The following DOCK6 variants were observed in gnomAD, a reference collection of about 807,000 sequenced individuals.
The protein encoded by DOCK6 is dedicator of cytokinesis protein 6.
In DOCK6, 167 loss-of-function variants were observed where a neutral mutation model predicts 230.3. The observed-to-expected ratio is 0.73, with a 90% CI of 0.64 to 0.82. DOCK6 has a LOEUF of 0.82. Among genes scored for constraint, DOCK6 ranks in the 40% least tolerant of loss-of-function variants. DOCK6 has a pLI of 0.00. For missense variants in DOCK6, 2,598 were observed against 2,825.8 expected (o/e 0.92, Z 1.83); for synonymous variants, 1,148 against 1,185.0 (o/e 0.97, Z 0.64).
In DOCK6 at chr19:11,248,157, A is replaced by C. The variant is rs1249977674; in HGVS notation, c.721-6T>G. On this transcript the variant is annotated splice_polypyrimidine_tract_variant and splice_region_variant and intron_variant, in intron 6 of 47. Coordinates refer to ENST00000294618, the MANE Select transcript of DOCK6 (RefSeq NM_020812.4). Reference sequence around the variant, plus strand: ...CAGCGTTCCACGGCTTCATCCTGCCAAGAGTGGGGGGTGGGAGCTGGGCGG... The same window carrying C: ...CAGCGTTCCACGGCTTCATCCTGCCCAGAGTGGGGGGTGGGAGCTGGGCGG... 1.3e-6 allele frequency: 2 copies of C among 1,599,338 alleles called. No homozygotes were observed. Among genetic ancestry groups the C allele is most frequent in the Admixed American group, 1.7e-5 (1 of 59,062 alleles).
intron 39 of DOCK6, among the ~76,000 whole-genome samples, chr19:11,204,915 C>T (rs892567319): frequency 1.3e-5 from 2 of 152,186 alleles, no homozygotes; most frequent in African/African-American, 4.8e-5. Context: ...CATCTGTCTT[C>T]CCTCATTGAT....
intron 1 of DOCK6, among the ~76,000 whole-genome samples, chr19:11,261,523 C>G (rs2080288153): frequency 6.6e-6 from 1 of 152,212 alleles, no homozygotes; most frequent in Non-Finnish European, 1.5e-5. Context: ...GCAGTCAGGA[C>G]AGGTCCCCCG....
rs189519555 is a variant in DOCK6 at position 11,259,015 on chromosome 19, C to A, written c.44+3382G>T. 2.0e-5 allele frequency among the ~76,000 whole-genome samples: 3 copies of A among 152,072 alleles called. No individual in the cohort carries two copies. The South Asian group carries it at 6.2e-4, about 32-fold the overall frequency. ...CCACCTGCCTCAGCCTCCCAAAGTG[C>A]TCGGATTATAGGCATGAGCCACCAT... On this transcript the variant is annotated intron_variant, in intron 1 of 47. Transcript: ENST00000294618.
At chr19:11,224,273 C>T (rs1479468078) in intron 24 of DOCK6, among the ~76,000 whole-genome samples, 4 of 149,510 alleles carry the variant, frequency 2.7e-5, no homozygotes, top group East Asian at 2.0e-4. Flanking sequence ...TGCAATGGCG[C>T]GATCTCGGCT....
At chr19:11,233,061 C>T in intron 22 of DOCK6, 142 bp downstream of exon 22, 1 of 1,194,762 alleles carries the variant, frequency 8.4e-7, no homozygotes, top group Non-Finnish European at 1.2e-6. Context: ...GACAGCCCAG[C>T]CCAACTCTGC....
chr19:11,217,942 C>T (rs1237409106), intron 28 of DOCK6, among the ~76,000 whole-genome samples: 1 of 151,810 alleles, frequency 6.6e-6, no homozygotes. Flanking sequence ...ACCTCCGCCC[C>T]CCAGGTTCAA....
chr19:11,250,524 G>A (rs2080100911), intron 6 of DOCK6, among the ~76,000 whole-genome samples: 1 of 151,666 alleles, frequency 6.6e-6, no homozygotes, highest in Non-Finnish European at 1.5e-5. Flanking sequence ...CATGTTGGCT[G>A]GTCTTGAACT....
intron 39 of DOCK6, among the ~76,000 whole-genome samples, chr19:11,206,595 A>C (rs1283292922): frequency 6.6e-6 from 1 of 151,912 alleles, no homozygotes; most frequent in African/African-American, 2.4e-5. Context: ...AAAGAGACTT[A>C]GGATACAGAT....
At position 11,235,766 on chromosome 19, in the gene DOCK6, G is replaced by A; in HGVS notation, c.2393-7C>T. The A allele has an allele frequency of 6.3e-7, 1 of 1,582,104 alleles. No individual in the cohort carries two copies. Among genetic ancestry groups the A allele is most frequent in the Non-Finnish European group, 8.6e-7 (1 of 1,162,424 alleles). On this transcript the variant is annotated splice_polypyrimidine_tract_variant and splice_region_variant and intron_variant, in intron 20 of 47. Coordinates refer to ENST00000294618, the MANE Select transcript of DOCK6 (RefSeq NM_020812.4). ...GCTCCACGGCCCAGGTTCACTGCAGGGCAGAGCAGAGGTCAAGTTCCAGGG... is the reference window on the plus strand; with the variant it reads ...GCTCCACGGCCCAGGTTCACTGCAGAGCAGAGCAGAGGTCAAGTTCCAGGG...
At position 11,262,412 on chromosome 19, in the gene DOCK6, G is replaced by A. The variant is rs766015892; in HGVS notation, c.29C>T (p.Ala10Val). The change falls in exon 1 of 48, where the codon GCG becomes GTG. Residue 10 changes from alanine to valine, a missense_variant. By Grantham distance (64) the Ala-to-Val change is moderately conservative (BLOSUM62 0). Transcript: ENST00000294618. MAASERRAF[A>V]HKINRTVAAE... The stretch of plus-strand genomic sequence containing the variant: ...GCCACACTACCTGTTGATCTTGTGC[G>A]CGAAGGCGCGGCGCTCGGAGGCAGC... 2 of 1,273,786 alleles carry A rather than the reference G, an allele frequency of 1.6e-6. No individual in the cohort carries two copies. The highest frequency in any genetic ancestry group is 2.9e-5 in the South Asian group (1 of 34,816). The allele number at this position is 1,273,786 out of a possible 1,614,324, so 78.9% of individuals were successfully genotyped here.
intron 22 of DOCK6, chr19:11,232,101 G>T: frequency 9.4e-7 from 1 of 1,060,712 alleles, no homozygotes; most frequent in Non-Finnish European, 1.3e-6. Context: ...AGCCCCCCTA[G>T]GTTAGTCAGA....
chr19:11,208,635 C>T, intron 39 of DOCK6, 51 bp downstream of exon 39: 4 of 1,577,474 alleles, frequency 2.5e-6, no homozygotes, highest in Non-Finnish European at 2.6e-6. Flanking sequence ...GATCTGATGG[C>T]ACCTCCCTGG....
intron 21 of DOCK6, among the ~76,000 whole-genome samples, chr19:11,235,244 T>A (rs537031015): frequency 1.3e-5 from 2 of 152,292 alleles, no homozygotes; most frequent in Admixed American, 6.5e-5. Context: ...GTAGCTGGGA[T>A]TACAGGCACC....
chr19:11,211,662 A>G (rs1026159802), intron 37 of DOCK6, 114 bp downstream of exon 37: 3 of 799,736 alleles, frequency 3.8e-6, no homozygotes, highest in Non-Finnish European at 6.0e-6. Flanking sequence ...TCTGTTAGGG[A>G]CTGTATGCTC....
In DOCK6 at chr19:11,204,293, G is replaced by C; in HGVS notation, c.5127C>G (p.Asn1709Lys). 6.2e-7 allele frequency: 1 copy of C among 1,610,290 alleles called. No homozygotes were observed. The highest frequency in any genetic ancestry group is 1.7e-5 in the Admixed American group (1 of 59,638). Residue 1709 changes from asparagine (N) to lysine (K), a missense_variant, in exon 40 of 48, where the codon AAC becomes AAG. Physicochemically the swap from Asn to Lys is moderately conservative, Grantham distance 94. Transcript: ENST00000294618. ...GGTGGGCTTCCAGGATGGGGATGAG[G>C]TTCTTGTAGACCTCATTCACCGCCT... ...LYEAVNEVYK[N>K]LIPILEAHRD...
intron 24 of DOCK6, among the ~76,000 whole-genome samples, chr19:11,226,589 C>G (rs149939548): frequency 3.3e-5 from 5 of 151,976 alleles, no homozygotes; most frequent in Admixed American, 6.5e-5. Flanking sequence ...ACCTGGGAGG[C>G]GGAGGTTGTG....
Position 11,253,746 on chromosome 19 carries a change from G to T in DOCK6, c.45-20C>A, listed in dbSNP as rs1568266410. On this transcript the variant is annotated intron_variant, in intron 1 of 47. Transcript: ENST00000294618. ...ACCGTCCTGGAAAGATAGGGAGGGGGCCATTGGGGACGGGAAAACTCAGGC... is the reference window on the plus strand; with the variant it reads ...ACCGTCCTGGAAAGATAGGGAGGGGTCCATTGGGGACGGGAAAACTCAGGC... 5.5e-6 allele frequency: 8 copies of T among 1,457,276 alleles called. No homozygotes were observed. Among genetic ancestry groups the T allele is most frequent in the Non-Finnish European group, 7.2e-6 (8 of 1,104,510 alleles). The allele number at this position is 1,457,276 out of a possible 1,614,324, so 90.3% of individuals were successfully genotyped here.
chr19:11,208,456 T>G, intron 39 of DOCK6: 1 of 438,178 alleles, frequency 2.3e-6, no homozygotes, highest in Non-Finnish European at 4.0e-6. Flanking sequence ...AATTTTTGTA[T>G]TTTTAGTAGA....
rs554535716 is a variant in DOCK6 at position 11,262,103 on chromosome 19, C to T, written c.44+294G>A. On this transcript the variant is annotated intron_variant, in intron 1 of 47. Coordinates refer to ENST00000294618, the MANE Select transcript of DOCK6 (RefSeq NM_020812.4). Reference sequence around the variant, plus strand: ...GGGGCGCCCGTCATCCGCATCCCCACGCCACCTCCTCCGGGAAGCCCTCCG... The same window carrying T: ...GGGGCGCCCGTCATCCGCATCCCCATGCCACCTCCTCCGGGAAGCCCTCCG... Among the ~76,000 whole-genome samples, 289 of 152,138 alleles carry T rather than the reference C, an allele frequency of 1.9e-3. 1 individual carries two copies. The highest frequency in any genetic ancestry group is 6.8e-3 in the Middle Eastern group (2 of 294).
Sources: gnomAD v4.1 joint callset for allele counts (sites outside exome capture counted in the v4.1 genomes callset) on GRCh38, gnomAD v4.1.1 for gene constraint, MANE v1.5 for transcripts, NCBI Gene and HGNC (gene_info 2026-07-23, HGNC 2026-07-21) for gene names.